FIG4: variants seen among roughly 807,000 people sequenced by gnomAD.
FIG4 encodes the protein polyphosphoinositide phosphatase.
Under a neutral mutation model 118.6 loss-of-function variants are expected in FIG4, and 112 were observed. The observed-to-expected ratio is 0.94, with a 90% CI of 0.81 to 1.11. The LOEUF is 1.11. FIG4 is among the 50% of genes least tolerant of loss of function. FIG4 has a pLI of 0.00. For missense variants in FIG4, 969 were observed against 1,111.7 expected, an observed-to-expected ratio of 0.87 and a Z score of 1.83; for synonymous variants, 369 against 381.2, an observed-to-expected ratio of 0.97 and a Z score of 0.37.
At chr6:109,704,854 G>A (rs1775016315) in intron 1 of FIG4, among the ~76,000 whole-genome samples, 1 of 152,014 alleles carries the variant, frequency 6.6e-6, no homozygotes, top group Non-Finnish European at 1.5e-5. Flanking sequence ...GCTATAGAGG[G>A]TATTATAGGG....
At chr6:109,824,993 A>G in intron 22 of FIG4, 95 bp from the exon 23 acceptor site, 1 of 1,165,748 alleles carries the variant, frequency 8.6e-7, no homozygotes, top group Non-Finnish European at 1.3e-6. Context: ...CTGCTTATTC[A>G]ATGCCAGCGA....
chr6:109,754,968 CCTT>C (rs1384321792), intron 10 of FIG4, among the ~76,000 whole-genome samples: 1 of 151,874 alleles, frequency 6.6e-6, no homozygotes, highest in African/African-American at 2.4e-5. Context: ...TTATTTCTTG[CCTT>C]CTTCTAGCTT....
At chr6:109,755,882 CTT>C (rs1480299261) in intron 10 of FIG4, among the ~76,000 whole-genome samples, 2 of 152,172 alleles carry the variant, frequency 1.3e-5, no homozygotes, top group Non-Finnish European at 2.9e-5. Context: ...GGTCTTTACT[CTT>C]TATCCAATTT....
chr6:109,773,188 A>T (rs1456468609), intron 15 of FIG4, among the ~76,000 whole-genome samples: 9 of 152,194 alleles, frequency 5.9e-5, no homozygotes, highest in Admixed American at 5.9e-4. Context: ...CTTCCTCTTC[A>T]GCCTCTAAAG....
chr6:109,732,186 G>A (rs1776021118), intron 4 of FIG4, among the ~76,000 whole-genome samples: 1 of 152,202 alleles, frequency 6.6e-6, no homozygotes, highest in South Asian at 2.1e-4. Context: ...TATTAATCAT[G>A]AGTGACAGAA....
chr6:109,722,984 T>G (rs1467957742), intron 3 of FIG4, among the ~76,000 whole-genome samples: 1 of 73,932 alleles, frequency 1.4e-5, no homozygotes, highest in Non-Finnish European at 2.7e-5. Flanking sequence ...CTGCCCAGAG[T>G]AGATATCCTG....
intron 22 of FIG4, among the ~76,000 whole-genome samples, chr6:109,812,116 G>A (rs1331069840): frequency 1.3e-5 from 2 of 152,102 alleles, no homozygotes; most frequent in Non-Finnish European, 2.9e-5. Context: ...CCTTTCGCTT[G>A]TCACTTCTCC....
chr6:109,707,265 A>ATGTGTG (rs199919875), intron 1 of FIG4, among the ~76,000 whole-genome samples: 1 of 146,622 alleles, frequency 6.8e-6, no homozygotes, highest in East Asian at 2.0e-4. Flanking sequence ...TTATAAACTG[A>ATGTGTG]TGTGTGTGTG....
At position 109,789,126 on chromosome 6, in the gene FIG4, T is replaced by C. The variant is rs112952491; in HGVS notation, c.2097-468T>C. 2.6e-3 allele frequency among the ~76,000 whole-genome samples: 390 copies of C among 152,358 alleles called. 3 individuals carry two copies. Among genetic ancestry groups the C allele is most frequent in the African/African-American group, 7.1e-3 (294 of 41,590 alleles). On this transcript the variant is annotated intron_variant, in intron 18 of 22. Coordinates refer to ENST00000230124, the MANE Select transcript of FIG4 (RefSeq NM_014845.6). ...AGCTTAAAAATGTTGTCCATGAAACTGAACAGCTTAGTGTTTTGTCATTGG... is the reference window on the plus strand; with the variant it reads ...AGCTTAAAAATGTTGTCCATGAAACCGAACAGCTTAGTGTTTTGTCATTGG...
chr6:109,788,607 T>C (rs1426848658), intron 18 of FIG4, among the ~76,000 whole-genome samples: 1 of 152,190 alleles, frequency 6.6e-6, no homozygotes, highest in Non-Finnish European at 1.5e-5. Context: ...ATTTGGGGGT[T>C]ACAGATACAC....
chr6:109,784,375 G>A (rs930804744), intron 16 of FIG4, among the ~76,000 whole-genome samples: 1 of 152,194 alleles, frequency 6.6e-6, no homozygotes, highest in South Asian at 2.1e-4. Flanking sequence ...ACTAGCTTCT[G>A]TAATCAAGTA....
At chr6:109,736,831 A>G (rs537028173) in intron 6 of FIG4, among the ~76,000 whole-genome samples, 3 of 152,246 alleles carry the variant, frequency 2.0e-5, no homozygotes, top group Admixed American at 1.3e-4. Flanking sequence ...CAAAATTAGC[A>G]TATCAGCAGG....
chr6:109,780,010 TGTACTGAAGTAGCCAGG>T (rs1777749816), intron 16 of FIG4, among the ~76,000 whole-genome samples: 1 of 152,200 alleles, frequency 6.6e-6, no homozygotes, highest in South Asian at 2.1e-4. Context: ...GAATAAACCC[TGTACTGAAGTAGCCAGG>T]CTCTGGAAAG....
chr6:109,716,456 T>G lies in FIG4; in HGVS notation c.177T>G (p.Thr59=). 1.2e-6 allele frequency: 2 copies of G among 1,613,736 alleles called. No homozygotes were observed. The highest frequency in any genetic ancestry group is 1.7e-6 in the Non-Finnish European group (2 of 1,179,690). ...LVIIDDRHVY[T]QQEVRELLGR... ...GTGCTTATTCTTAGCATGTCTATAC[T>G]CAACAAGAAGTAAGGGAACTTCTTG... Residue 59 remains threonine, a synonymous_variant, in exon 3 of 23, where the codon ACT becomes ACG. Coordinates refer to ENST00000230124, the MANE Select transcript of FIG4 (RefSeq NM_014845.6).
intron 1 of FIG4, among the ~76,000 whole-genome samples, chr6:109,713,784 A>G (rs921354099): frequency 3.3e-5 from 5 of 152,190 alleles, no homozygotes; most frequent in Admixed American, 3.3e-4. Context: ...CCACCCCACT[A>G]GAGCTCTTCA....
chr6:109,746,920 T>C (rs1394274993), intron 10 of FIG4, among the ~76,000 whole-genome samples: 1 of 151,988 alleles, frequency 6.6e-6, no homozygotes, highest in Non-Finnish European at 1.5e-5. Flanking sequence ...ATGGGCTGGA[T>C]TTGAAATGAG....
At chr6:109,752,136 A>G (rs902830352) in intron 10 of FIG4, among the ~76,000 whole-genome samples, 14 of 150,734 alleles carry the variant, frequency 9.3e-5, no homozygotes, top group Non-Finnish European at 1.8e-4. Context: ...ATGATTTCCA[A>G]TTTCATCCAT....
At chr6:109,729,868 G>A (rs918585220) in intron 4 of FIG4, among the ~76,000 whole-genome samples, 3 of 151,384 alleles carry the variant, frequency 2.0e-5, no homozygotes, top group South Asian at 2.1e-4. Flanking sequence ...TAGCAGTAAC[G>A]AACTAGAAAA....
intron 1 of FIG4, among the ~76,000 whole-genome samples, chr6:109,695,224 C>T (rs957385472): frequency 6.6e-6 from 1 of 152,142 alleles, no homozygotes; most frequent in South Asian, 2.1e-4. Flanking sequence ...CACAAAGAAC[C>T]GAGGGTCCTG....
Sources: gnomAD v4.1 joint callset for allele counts (sites outside exome capture counted in the v4.1 genomes callset) on GRCh38, gnomAD v4.1.1 for gene constraint, MANE v1.5 for transcripts, NCBI Gene and HGNC (gene_info 2026-07-23, HGNC 2026-07-21) for gene names.